Variants in ATXN10 observed in about 807,000 individuals in gnomAD.
ATXN10 encodes the protein ataxin-10.
A neutral mutation model predicts 52.9 loss-of-function variants in ATXN10; 28 were observed. The observed-to-expected ratio is 0.53, with a 90% CI of 0.39 to 0.73. The LOEUF (loss-of-function observed/expected upper bound fraction) is 0.73, where lower values mean the gene tolerates loss of function less well. Among genes scored for constraint, ATXN10 ranks in the 30% least tolerant of loss-of-function variants. The pLI, the probability that ATXN10 is intolerant of heterozygous loss-of-function variation, is 0.00. For missense variants in ATXN10, 565 were observed against 577.0 expected (o/e 0.98, Z 0.21); for synonymous variants, 226 against 221.5 (o/e 1.02, Z -0.18).
Position 45,718,262 on chromosome 22 carries a change from T to C in ATXN10, c.648-151T>C, listed in dbSNP as rs919170812. ...TAGCTGCTGATAGATTAATAGTATGTGAACCTTTTAAGACATTTAAGATTA... is the reference window on the plus strand; with the variant it reads ...TAGCTGCTGATAGATTAATAGTATGCGAACCTTTTAAGACATTTAAGATTA... On this transcript the variant is annotated intron_variant, in intron 5 of 11. Transcript: ENST00000252934. This position sits in a 1 kb window ranked among gnomAD's most constrained non-coding sequence, Gnocchi z 4.4. 5 of 717,186 alleles carry C rather than the reference T, an allele frequency of 7.0e-6. No homozygotes were observed. In the African/African-American group the frequency reaches 8.8e-5, roughly 13 times the overall value. 44.4% of individuals were successfully genotyped at this position (717,186 alleles called of 1,614,324 possible).
intron 6 of ATXN10, among the ~76,000 whole-genome samples, chr22:45,726,233 G>C (rs1395039677): frequency 6.6e-6 from 1 of 152,146 alleles, no homozygotes; most frequent in Non-Finnish European, 1.5e-5. Context: ...GTTTCAGTAT[G>C]ATTGGTGCCA....
At chr22:45,792,306 C>T (rs1371976389) in intron 9 of ATXN10, 1 of 152,110 alleles carries the variant, frequency 6.6e-6, no homozygotes, top group African/African-American at 2.4e-5. Context: ...TAAAGAGGTC[C>T]TCTAAGCTGG....
chr22:45,826,708 G>T lies in ATXN10; in HGVS notation c.1238-16283G>T, dbSNP rs1037098649. Reference sequence around the variant, plus strand: ...TCCAAACTGTCCTTCAAACATGAGGGATAAATTAAGGCATTCACAGACGAA... The same window carrying T: ...TCCAAACTGTCCTTCAAACATGAGGTATAAATTAAGGCATTCACAGACGAA... On this transcript the variant is annotated intron_variant, in intron 10 of 11. Transcript: ENST00000252934. The surrounding 1 kb of genome is among the most constrained non-coding windows in gnomAD (Gnocchi z 5.0). 2.6e-5 allele frequency among the ~76,000 whole-genome samples: 4 copies of T among 152,186 alleles called. No homozygotes were observed. Among genetic ancestry groups the T allele is most frequent in the African/African-American group, 9.7e-5 (4 of 41,446 alleles).
In ATXN10 at chr22:45,844,292, T is replaced by C. The variant is rs1929440998; in HGVS notation, c.*621T>C. 6.4e-6 allele frequency: 1 copy of C among 156,056 alleles called. No individual in the cohort carries two copies. The highest frequency in any genetic ancestry group is 1.4e-5 in the Non-Finnish European group (1 of 70,294). The allele number at this position is 156,056 out of a possible 1,614,324, so 9.7% of individuals were successfully genotyped here. A position where few individuals can be genotyped will look rare whatever the true frequency, so the allele number is the denominator to read the frequency against. On this transcript the variant is annotated 3_prime_UTR_variant, in exon 12 of 12. Transcript: ENST00000252934. ...GGTTGGTGAGAGAACATGTGGGCAC[T>C]TAACTCTTCATGTTCCAGTTCATCC...
At chr22:45,685,614 A>T (rs776381945) in intron 1 of ATXN10, among the ~76,000 whole-genome samples, 1 of 152,234 alleles carries the variant, frequency 6.6e-6, no homozygotes. Flanking sequence ...GATTTTGCAG[A>T]CAAGAGTATA....
chr22:45,736,739 G>GT (rs1370545485), intron 7 of ATXN10, among the ~76,000 whole-genome samples: 1 of 151,796 alleles, frequency 6.6e-6, no homozygotes, highest in African/African-American at 2.4e-5. Flanking sequence ...ATTTGGGTTA[G>GT]TTTTTTTTGT....
chr22:45,751,739 GGAAAAAAAAAAAAAAT>G (rs1475753438), intron 9 of ATXN10, among the ~76,000 whole-genome samples: 5 of 14,108 alleles, frequency 3.5e-4, no homozygotes, highest in East Asian at 4.1e-3. Context: ...ACCTTTTTCT[GGAAAAAAAAAAAAAAT>G]AAAAAAAAAA....
chr22:45,775,415 A>G lies in ATXN10; in HGVS notation c.1174-31544A>G, dbSNP rs1926916307. On this transcript the variant is annotated intron_variant, in intron 9 of 11. Transcript: ENST00000252934. The surrounding 1 kb of genome is among the most constrained non-coding windows in gnomAD (Gnocchi z 4.7). ...CACAAACATTGTGAGGGTTTGTAGA[A>G]CGGGTGGGTGCTTGCTGAAAGTTTA... Among the ~76,000 whole-genome samples, 1 of 152,182 alleles carries G rather than the reference A, an allele frequency of 6.6e-6. No individual in the cohort carries two copies. The highest frequency in any genetic ancestry group is 6.5e-5 in the Admixed American group (1 of 15,274).
At chr22:45,832,204 A>C (rs751364915) in intron 10 of ATXN10, among the ~76,000 whole-genome samples, 1 of 152,240 alleles carries the variant, frequency 6.6e-6, no homozygotes, top group Non-Finnish European at 1.5e-5. Flanking sequence ...GTTAGAATGC[A>C]GTACAGCAAG....
chr22:45,816,026 C>T lies in ATXN10; in HGVS notation c.1237+9004C>T, dbSNP rs1161836508. Among the ~76,000 whole-genome samples the T allele has an allele frequency of 2.6e-5, 4 of 151,914 alleles. No homozygotes were observed. Among genetic ancestry groups the T allele is most frequent in the Non-Finnish European group, 5.9e-5 (4 of 67,974 alleles). ...GCACTTTGGGAGGCTGAGGTGTGTG[C>T]ATCACTTGAGGTCAGGAGTTTGAGA... is the stretch of plus-strand genomic sequence containing the variant. On this transcript the variant is annotated intron_variant, in intron 10 of 11. Transcript: ENST00000252934. The surrounding 1 kb of genome is among the most constrained non-coding windows in gnomAD (Gnocchi z 5.8).
intron 2 of ATXN10, among the ~76,000 whole-genome samples, chr22:45,691,173 G>A (rs1923358848): frequency 6.6e-6 from 1 of 152,156 alleles, no homozygotes; most frequent in Non-Finnish European, 1.5e-5. Flanking sequence ...AACATAACTA[G>A]TTATATGCTA....
intron 10 of ATXN10, among the ~76,000 whole-genome samples, chr22:45,813,333 GTTTT>G (rs1178229669): frequency 1.1e-4 from 15 of 135,628 alleles, no homozygotes; most frequent in Non-Finnish European, 2.1e-4. Flanking sequence ...ATGTGGGTTT[GTTTT>G]TTTTTTTTCA....
chr22:45,672,241 G>T, intron 1 of ATXN10, 62 bp downstream of exon 1: 10 of 1,404,514 alleles, frequency 7.1e-6, no homozygotes, highest in Non-Finnish European at 9.2e-6. Flanking sequence ...TCCCGCGGCG[G>T]CCCCGGCCTG....
At position 45,820,841 on chromosome 22, in the gene ATXN10, G is replaced by T. The variant is rs1292038869; in HGVS notation, c.1237+13819G>T. Among the ~76,000 whole-genome samples, 1 of 152,158 alleles carries T rather than the reference G, an allele frequency of 6.6e-6. No homozygotes were observed. The highest frequency in any genetic ancestry group is 1.5e-5 in the Non-Finnish European group (1 of 68,024). ...AGACCTTTTCTTCAGGGTTAACTGAGCACAGCCGAAAACAGGCCCTGTGCT... is the reference window on the plus strand; with the variant it reads ...AGACCTTTTCTTCAGGGTTAACTGATCACAGCCGAAAACAGGCCCTGTGCT... On this transcript the variant is annotated intron_variant, in intron 10 of 11. Coordinates refer to ENST00000252934, the MANE Select transcript of ATXN10 (RefSeq NM_013236.4). The surrounding 1 kb of genome is among the most constrained non-coding windows in gnomAD (Gnocchi z 4.9).
At position 45,842,655 on chromosome 22, in the gene ATXN10, T is replaced by C. The variant is rs903226826; in HGVS notation, c.1238-336T>C. ...GTGTGCACGCACACACGTTTGCCTG[T>C]GTGTGTGTTCTTGGGTTCATAAACT... On this transcript the variant is annotated intron_variant, in intron 10 of 11. Transcript: ENST00000252934. The surrounding 1 kb of genome is among the most constrained non-coding windows in gnomAD (Gnocchi z 4.8). Among the ~76,000 whole-genome samples, 1 of 152,172 alleles carries C rather than the reference T, an allele frequency of 6.6e-6. No individual in the cohort carries two copies. Among genetic ancestry groups the C allele is most frequent in the Non-Finnish European group, 1.5e-5 (1 of 68,032 alleles).
intron 1 of ATXN10, among the ~76,000 whole-genome samples, chr22:45,686,498 C>G (rs1244800246): frequency 2.0e-5 from 3 of 152,114 alleles, no homozygotes; most frequent in African/African-American, 7.2e-5. Flanking sequence ...GGAGGAGTTT[C>G]TCCAGGTCTG....
At chr22:45,748,298 G>GTGTC (rs2146812330) in intron 9 of ATXN10, among the ~76,000 whole-genome samples, 1 of 152,170 alleles carries the variant, frequency 6.6e-6, no homozygotes, top group African/African-American at 2.4e-5. Flanking sequence ...GTTCATTCCA[G>GTGTC]TGTCTCCCCA....
intron 7 of ATXN10, among the ~76,000 whole-genome samples, chr22:45,737,303 G>T (rs1381852344): frequency 6.6e-6 from 1 of 152,206 alleles, no homozygotes; most frequent in Non-Finnish European, 1.5e-5. Flanking sequence ...GATGTCCAGG[G>T]TTACCTTTTG....
In ATXN10 at chr22:45,728,469, G is replaced by T. The variant is rs1334579426; in HGVS notation, c.729-956G>T. The stretch of plus-strand genomic sequence containing the variant: ...TTTCCCATCATTTGGCCACAGTACA[G>T]GAAGCGTTTGCTATAGTTTTATTTC... On this transcript the variant is annotated intron_variant, in intron 6 of 11. Transcript: ENST00000252934. The surrounding 1 kb of genome is among the most constrained non-coding windows in gnomAD (Gnocchi z 4.3). Among the ~76,000 whole-genome samples the T allele has an allele frequency of 6.6e-6, 1 of 152,142 alleles. No individual in the cohort carries two copies. The highest frequency in any genetic ancestry group is 1.5e-5 in the Non-Finnish European group (1 of 68,020).
Sources: allele counts gnomAD v4.1 joint callset (sites outside exome capture counted in the v4.1 genomes callset), GRCh38; gene constraint gnomAD v4.1.1; non-coding constraint Gnocchi (gnomAD v3.1); transcripts MANE v1.5; gene names NCBI Gene and HGNC (gene_info 2026-07-23, HGNC 2026-07-21).